UBR3: variants seen among roughly 807,000 people sequenced by gnomAD.
UBR3 encodes the protein E3 ubiquitin-protein ligase UBR3.
Under a neutral mutation model 243.2 loss-of-function variants are expected in UBR3, and 85 were observed. The ratio of observed to expected loss-of-function variants is 0.35; its 90% CI spans 0.29 to 0.42. UBR3 has a LOEUF of 0.42. Among genes scored for constraint, UBR3 ranks in the 10% least tolerant of loss-of-function variants. The pLI, the probability that UBR3 is intolerant of heterozygous loss-of-function variation, is 1.00. For missense variants in UBR3, 1,686 were observed against 2,300.8 expected, an observed-to-expected ratio of 0.73 and a Z score of 5.47; for synonymous variants, 748 against 799.8, an observed-to-expected ratio of 0.94 and a Z score of 1.09.
At chr2:170,009,297 AT>A (rs2090015437) in intron 29 of UBR3, among the ~76,000 whole-genome samples, 1 of 152,170 alleles carries the variant, frequency 6.6e-6, no homozygotes, top group Admixed American at 6.5e-5. Context: ...AAACACTTTG[AT>A]TTATGGAAAA....
chr2:170,048,447 C>T (rs748469501), intron 32 of UBR3, among the ~76,000 whole-genome samples: 8 of 152,134 alleles, frequency 5.3e-5, no homozygotes, highest in Non-Finnish European at 1.0e-4. Context: ...TGCTCATGTG[C>T]GTGTTTCTCC....
At chr2:170,065,958 A>G (rs1021495221) in intron 35 of UBR3, among the ~76,000 whole-genome samples, 83 of 147,354 alleles carry the variant, frequency 5.6e-4, no homozygotes, top group African/African-American at 2.0e-3. Flanking sequence ...AAATGCTTCT[A>G]CGTATCCCGT....
At position 169,895,320 on chromosome 2, in the gene UBR3, A is replaced by G; in HGVS notation, c.1236+9A>G. 1.3e-6 allele frequency: 2 copies of G among 1,527,122 alleles called. No homozygotes were observed. The highest frequency in any genetic ancestry group is 8.8e-7 in the Non-Finnish European group (1 of 1,141,112). The allele number at this position is 1,527,122 out of a possible 1,614,324, so 94.6% of individuals were successfully genotyped here. A position where few individuals can be genotyped will look rare whatever the true frequency, so the allele number is the denominator to read the frequency against. On this transcript the variant is annotated intron_variant, in intron 7 of 38. Transcript: ENST00000272793. ...CAGATCAAGAGTATAAGGTATCTAT[A>G]TATTTTCCTGCTTTTCTGAACTTAG...
intron 1 of UBR3, among the ~76,000 whole-genome samples, chr2:169,839,943 A>G (rs1166252931): frequency 1.3e-5 from 2 of 152,204 alleles, no homozygotes; most frequent in Non-Finnish European, 2.9e-5. Flanking sequence ...TAGAGAAAAC[A>G]AACCTGAGAG....
At chr2:169,930,015 C>T (rs903708519) in intron 18 of UBR3, among the ~76,000 whole-genome samples, 3 of 152,118 alleles carry the variant, frequency 2.0e-5, no homozygotes, top group African/African-American at 7.2e-5. Context: ...AAAAGAAAAG[C>T]ACAGTATTTT....
At chr2:170,030,218 A>C (rs988258706) in intron 31 of UBR3, among the ~76,000 whole-genome samples, 2 of 152,094 alleles carry the variant, frequency 1.3e-5, no homozygotes, top group African/African-American at 4.8e-5. Context: ...GTAGTCTTTC[A>C]TCATATCCTC....
intron 31 of UBR3, among the ~76,000 whole-genome samples, chr2:170,034,273 C>T (rs558404275): frequency 1.3e-5 from 2 of 152,052 alleles, no homozygotes; most frequent in South Asian, 4.1e-4. Flanking sequence ...CATTTGGCCA[C>T]CGTTGTAGTA....
At chr2:169,885,646 T>C (rs2084063636) in intron 5 of UBR3, among the ~76,000 whole-genome samples, 1 of 152,128 alleles carries the variant, frequency 6.6e-6, no homozygotes, top group South Asian at 2.1e-4. Flanking sequence ...AGATTATCAC[T>C]GTTTATAAAT....
intron 30 of UBR3, among the ~76,000 whole-genome samples, chr2:170,025,454 A>G (rs564819237): frequency 1.1e-4 from 16 of 152,324 alleles, no homozygotes; most frequent in East Asian, 7.7e-4. Context: ...AACAGCTTGC[A>G]AAGACATGAG....
chr2:170,080,321 C>G (rs941491212), intron 37 of UBR3: 7 of 586,762 alleles, frequency 1.2e-5, no homozygotes, highest in African/African-American at 1.9e-5. Context: ...AGATACTAGA[C>G]TCTGAATTAG....
Position 169,983,252 on chromosome 2 carries a change from C to CTTTTTTTT in UBR3, c.3635-3378_3635-3371dup, listed in dbSNP as rs72194627. 4.0e-4 allele frequency among the ~76,000 whole-genome samples: 29 copies of CTTTTTTTT among 71,986 alleles called. 2 individuals carry two copies. Among genetic ancestry groups the CTTTTTTTT allele is most frequent in the African/African-American group, 1.7e-3 (28 of 16,904 alleles). The allele number at this position is 71,986 out of a possible 152,430, so 47.2% of individuals were successfully genotyped here. On this transcript the variant is annotated intron_variant, in intron 24 of 38. Transcript: ENST00000272793. ...TGTTGTTTTTGCCACATTCTCTCTC[C>CTTTTTTTT]TTTTTTTTTTTTTTTTTTTTTTGAG...
At chr2:169,961,611 C>G (rs991688121) in intron 24 of UBR3, among the ~76,000 whole-genome samples, 2 of 152,178 alleles carry the variant, frequency 1.3e-5, no homozygotes, top group Non-Finnish European at 2.9e-5. Context: ...TAAACATTTT[C>G]TGTCACAACT....
chr2:169,904,778 A>G (rs2084954405), intron 8 of UBR3, among the ~76,000 whole-genome samples: 1 of 152,208 alleles, frequency 6.6e-6, no homozygotes, highest in African/African-American at 2.4e-5. Flanking sequence ...TTATATCATT[A>G]GAATCAAGAA....
At chr2:169,888,420 T>TGAGCCA (rs2084198183) in intron 5 of UBR3, among the ~76,000 whole-genome samples, 3 of 152,158 alleles carry the variant, frequency 2.0e-5, no homozygotes, top group Admixed American at 2.0e-4. Context: ...ATTACAGGCG[T>TGAGCCA]GAGCCACCGC....
At chr2:169,906,997 T>TA (rs1431035280) in intron 10 of UBR3, among the ~76,000 whole-genome samples, 2 of 151,814 alleles carry the variant, frequency 1.3e-5, no homozygotes, top group African/African-American at 2.4e-5. Flanking sequence ...GCAGATGACT[T>TA]ACAGCCTTGT....
At chr2:169,885,844 A>G (rs1487085215) in intron 5 of UBR3, among the ~76,000 whole-genome samples, 2 of 152,008 alleles carry the variant, frequency 1.3e-5, no homozygotes, top group African/African-American at 4.8e-5. Flanking sequence ...AAAATCAGAG[A>G]TACTTTTCAT....
intron 1 of UBR3, among the ~76,000 whole-genome samples, chr2:169,837,157 G>C (rs544669024): frequency 1.3e-5 from 2 of 152,302 alleles, no homozygotes; most frequent in South Asian, 4.1e-4. Flanking sequence ...ATTGAGGTCT[G>C]TATTAGTCTG....
chr2:169,880,116 A>G (rs925593018), intron 5 of UBR3, among the ~76,000 whole-genome samples: 4 of 152,192 alleles, frequency 2.6e-5, no homozygotes, highest in Non-Finnish European at 4.4e-5. Context: ...GGAGTTGACT[A>G]TGAATGGGTG....
chr2:169,882,870 T>C (rs2083947043), intron 5 of UBR3, among the ~76,000 whole-genome samples: 2 of 152,188 alleles, frequency 1.3e-5, no homozygotes, highest in African/African-American at 4.8e-5. Flanking sequence ...CATCTTGTCT[T>C]TCTTATTTAT....
Sources: gnomAD v4.1 joint callset for allele counts (sites outside exome capture counted in the v4.1 genomes callset) on GRCh38, gnomAD v4.1.1 for gene constraint, MANE v1.5 for transcripts, NCBI Gene and HGNC (gene_info 2026-07-23, HGNC 2026-07-21) for gene names.